Variants in NNT observed in about 807,000 individuals in gnomAD.
The protein encoded by NNT is nicotinamide nucleotide transhydrogenase.
In NNT, 50 loss-of-function variants were observed where a neutral mutation model predicts 104.8. That is an observed-to-expected ratio of 0.48 (90% CI 0.38 to 0.60). The LOEUF (loss-of-function observed/expected upper bound fraction) is 0.60. Among genes scored for constraint, NNT ranks in the 20% least tolerant of loss-of-function variants. The pLI is 0.00. For missense variants in NNT, 1,131 were observed against 1,330.7 expected (o/e 0.85, Z 2.33); for synonymous variants, 461 against 490.4 (o/e 0.94, Z 0.79).
intron 7 of NNT, among the ~76,000 whole-genome samples, chr5:43,630,964 A>G (rs1750642738): frequency 6.6e-6 from 1 of 152,190 alleles, no homozygotes; most frequent in Admixed American, 6.5e-5. Flanking sequence ...CTCCTCCAGT[A>G]GCTTCCCCCA....
chr5:43,677,685 T>TA (rs1216123057), intron 18 of NNT, 40 bp from the exon 19 acceptor site: 6 of 1,567,156 alleles, frequency 3.8e-6, no homozygotes, highest in Non-Finnish European at 5.3e-6. Flanking sequence ...AATTTCAAAA[T>TA]AAAAAACACA....
At chr5:43,636,533 T>C (rs890683303) in intron 7 of NNT, among the ~76,000 whole-genome samples, 2 of 152,190 alleles carry the variant, frequency 1.3e-5, no homozygotes, top group Admixed American at 1.3e-4. Flanking sequence ...AAATAAGCAG[T>C]ACTGTTTCTA....
At chr5:43,638,430 A>G (rs1382951042) in intron 7 of NNT, among the ~76,000 whole-genome samples, 1 of 152,174 alleles carries the variant, frequency 6.6e-6, no homozygotes, top group Admixed American at 6.6e-5. Flanking sequence ...TTATGTTGTT[A>G]TAATGAAGGT....
At chr5:43,668,352 G>C (rs1740836464) in intron 17 of NNT, among the ~76,000 whole-genome samples, 1 of 151,044 alleles carries the variant, frequency 6.6e-6, no homozygotes, top group African/African-American at 2.4e-5. Context: ...TGAAGTCCTT[G>C]CCATGCCTAT....
intron 7 of NNT, among the ~76,000 whole-genome samples, chr5:43,629,879 C>T (rs1452360054): frequency 6.6e-6 from 1 of 152,058 alleles, no homozygotes; most frequent in East Asian, 1.9e-4. Flanking sequence ...GGATATTAGT[C>T]ATTTGTCAGA....
At position 43,656,743 on chromosome 5, in the gene NNT, TC is replaced by T; in HGVS notation, c.2385del (p.Phe795LeufsTer26). 1 of 1,614,180 alleles carries T rather than the reference TC, an allele frequency of 6.2e-7. No homozygotes were observed. The highest frequency in any genetic ancestry group is 8.5e-7 in the Non-Finnish European group (1 of 1,180,014). ...GCTAGTGTGGGCGGGATAATCCCAT[TC>T]ATGGTGGACCCAAGCTTTACTACTG... Reference protein sequence around the residue: ...LAASVGGIIPFMVDPSFTTGI... With the variant: ...LAASVGGIIPXMVDPSFTTGI... On this transcript the variant is annotated frameshift_variant, in exon 16 of 22. Transcript: ENST00000344920. LOFTEE classifies it high-confidence loss of function.
At chr5:43,694,594 A>C (rs374162000) in intron 19 of NNT, among the ~76,000 whole-genome samples, 1 of 152,120 alleles carries the variant, frequency 6.6e-6, no homozygotes, top group Admixed American at 6.5e-5. Context: ...ATTGATTTGC[A>C]TATGTTGAAC....
intron 17 of NNT, among the ~76,000 whole-genome samples, chr5:43,660,581 T>C (rs1740301728): frequency 1.3e-5 from 2 of 152,162 alleles, no homozygotes; most frequent in Non-Finnish European, 2.9e-5. Context: ...TACCTCAGAC[T>C]GGGTAATTTA....
rs112540127 is a variant in NNT, at chr5:43,656,863, A to G, written c.2454+50A>G. The G allele has an allele frequency of 3.5e-4, 530 of 1,519,388 alleles. 4 individuals are homozygous for G. The African/African-American group carries it at 6.5e-3, about 19-fold the overall frequency. The allele number at this position is 1,519,388 out of a possible 1,614,324, so 94.1% of individuals were successfully genotyped here. On this transcript the variant is annotated intron_variant, in intron 16 of 21. Coordinates refer to ENST00000344920, the MANE Select transcript of NNT (RefSeq NM_182977.3). ...ACATATTTGGTGAAGAACTGGGAATATTTTGTTAGATTAAAGTGTAATCAT... is the reference window on the plus strand; with the variant it reads ...ACATATTTGGTGAAGAACTGGGAATGTTTTGTTAGATTAAAGTGTAATCAT...
chr5:43,665,896 G>A (rs1740632012), intron 17 of NNT, among the ~76,000 whole-genome samples: 2 of 151,574 alleles, frequency 1.3e-5, no homozygotes, highest in African/African-American at 4.8e-5. Flanking sequence ...GGGCGGAGAT[G>A]CTCCTCACTT....
chr5:43,690,231 ATT>A (rs879671987), intron 19 of NNT, among the ~76,000 whole-genome samples: 3 of 146,188 alleles, frequency 2.1e-5, no homozygotes, highest in Admixed American at 6.8e-5. Context: ...CGATATCTTG[ATT>A]TTTTTTTTTT....
chr5:43,647,864 T>C, intron 10 of NNT: 5 of 455,780 alleles, frequency 1.1e-5, no homozygotes, highest in South Asian at 6.2e-5. Context: ...TTCACATGTC[T>C]TAGCTCATTT....
intron 5 of NNT, among the ~76,000 whole-genome samples, chr5:43,623,475 G>A (rs567847547): frequency 6.6e-6 from 1 of 152,244 alleles, no homozygotes; most frequent in Non-Finnish European, 1.5e-5. Flanking sequence ...TCAGACTTAC[G>A]GAGAGTTGCT....
At chr5:43,663,519 A>C (rs905106341) in intron 17 of NNT, among the ~76,000 whole-genome samples, 2 of 152,226 alleles carry the variant, frequency 1.3e-5, no homozygotes, top group African/African-American at 2.4e-5. Context: ...CTGATTTCTC[A>C]CTTTTTACAT....
intron 17 of NNT, among the ~76,000 whole-genome samples, chr5:43,665,684 C>T (rs1186532554): frequency 1.3e-5 from 2 of 150,386 alleles, no homozygotes; most frequent in East Asian, 3.9e-4. Context: ...CACATTTCCC[C>T]CTTTTCTATT....
At position 43,675,731 on chromosome 5, in the gene NNT, A is replaced by G. The variant is rs1741381802; in HGVS notation, c.2794+61A>G. The G allele has an allele frequency of 2.5e-6, 3 of 1,223,964 alleles. No homozygotes were observed. In the Middle Eastern group the frequency reaches 6.2e-4, roughly 251 times the overall value. The allele number at this position is 1,223,964 out of a possible 1,614,324, so 75.8% of individuals were successfully genotyped here. ...AGCTGTTATAATTGATGACATTAAA[A>G]TTTCTTATAATAGGAAAGTAGAATT... On this transcript the variant is annotated intron_variant, in intron 18 of 21. Transcript: ENST00000344920.
At chr5:43,669,065 G>A (rs1454540843) in intron 17 of NNT, among the ~76,000 whole-genome samples, 45 of 152,164 alleles carry the variant, frequency 3.0e-4, no homozygotes, top group Non-Finnish European at 5.9e-4. Flanking sequence ...GTTCAGTCAT[G>A]ATTTGGCTCT....
At position 43,615,942 on chromosome 5, in the gene NNT, A is replaced by C. The variant is rs1362124188; in HGVS notation, c.476A>C (p.Gln159Pro). The change falls in exon 4 of 22, where the codon CAA becomes CCA. Residue 159 changes from glutamine (Q) to proline (P), a missense_variant. Transcript: ENST00000344920. Reference sequence around the variant, plus strand: ...CTGATTAGTTTTATTTACCCAGCCCAAAATCCAGAGTTGCTAAATAAACTT... The same window carrying C: ...CTGATTAGTTTTATTTACCCAGCCCCAAATCCAGAGTTGCTAAATAAACTT... ...GTLISFIYPA[Q>P]NPELLNKLSQ... The C allele has an allele frequency of 1.2e-6, 2 of 1,614,034 alleles. No individual in the cohort carries two copies. Among genetic ancestry groups the C allele is most frequent in the Non-Finnish European group, 1.7e-6 (2 of 1,180,002 alleles).
intron 16 of NNT, among the ~76,000 whole-genome samples, chr5:43,657,968 C>G (rs1485925144): frequency 6.6e-6 from 1 of 151,990 alleles, no homozygotes; most frequent in Admixed American, 6.6e-5. Context: ...AACCCCGTCT[C>G]TACTAAAAAT....
Sources: gnomAD v4.1 joint callset for allele counts (sites outside exome capture counted in the v4.1 genomes callset) on GRCh38, gnomAD v4.1.1 for gene constraint, MANE v1.5 for transcripts, NCBI Gene and HGNC (gene_info 2026-07-23, HGNC 2026-07-21) for gene names.